The following CDH18 variants were observed in gnomAD, a reference collection of about 807,000 sequenced individuals.
CDH18 encodes cadherin 18.
CDH18 carries 31 observed loss-of-function variants against 67.9 expected under a neutral mutation model. That is an observed-to-expected ratio of 0.46 (90% CI 0.34 to 0.62). The LOEUF is 0.62. Among genes scored for constraint, CDH18 ranks in the 20% least tolerant of loss-of-function variants. The pLI, the probability that CDH18 is intolerant of heterozygous loss-of-function variation, is 0.01. For synonymous variants in CDH18, 362 were observed against 347.2 expected (o/e 1.04, Z -0.48); for missense variants, 890 against 975.5 (o/e 0.91, Z 1.17).
intron 1 of CDH18, among the ~76,000 whole-genome samples, chr5:20,344,043 C>T (rs147707566): frequency 1.1e-3 from 167 of 152,268 alleles, no homozygotes; most frequent in Non-Finnish European, 2.1e-3. Context: ...TTGGTATTCT[C>T]CTGCAGAAAT....
intron 4 of CDH18, among the ~76,000 whole-genome samples, chr5:19,738,632 T>C (rs1222289854): frequency 2.0e-5 from 3 of 152,202 alleles, no homozygotes; most frequent in African/African-American, 7.2e-5. Flanking sequence ...GTTAAGTATT[T>C]TCTCTTGCAA....
At position 20,242,601 on chromosome 5, in the gene CDH18, A is replaced by ATATATATATATAT. The variant is rs1454331020; in HGVS notation, c.-518+12842_-518+12843insATATATATATATA. Among the ~76,000 whole-genome samples, 4 of 55,818 alleles carry ATATATATATATAT rather than the reference A, an allele frequency of 7.2e-5. 1 individual carries two copies. In the East Asian group the frequency reaches 1.3e-3, roughly 18 times the overall value. The allele number at this position is 55,818 out of a possible 152,430, so 36.6% of individuals were successfully genotyped here. On this transcript the variant is annotated intron_variant, in intron 2 of 14. Transcript: ENST00000507958. ...GGTTTTGGGTTTCATTGAGGGAAAA[A>ATATATATATATAT]AAAAAAAAAAATATATATATATATA...
chr5:19,699,696 T>A (rs138685549), intron 5 of CDH18, among the ~76,000 whole-genome samples: 286 of 151,466 alleles, frequency 1.9e-3, no homozygotes, highest in African/African-American at 6.5e-3. Flanking sequence ...CTCTGCCATG[T>A]GAGGACATAG....
chr5:19,784,544 C>T (rs1229882389), intron 3 of CDH18, among the ~76,000 whole-genome samples: 1 of 152,066 alleles, frequency 6.6e-6, no homozygotes, highest in Admixed American at 6.6e-5. Context: ...TAAAACAATG[C>T]TTGAAATTTT....
intron 1 of CDH18, among the ~76,000 whole-genome samples, chr5:20,340,770 G>T (rs1349108660): frequency 6.6e-6 from 1 of 152,096 alleles, no homozygotes; most frequent in Non-Finnish European, 1.5e-5. Context: ...CCTCCAATCT[G>T]GGCCTTCCTC....
intron 3 of CDH18, among the ~76,000 whole-genome samples, chr5:19,788,674 T>C (rs1414747156): frequency 6.6e-6 from 1 of 152,226 alleles, no homozygotes; most frequent in African/African-American, 2.4e-5. Context: ...ACTCAAGTTA[T>C]AGAAGACACA....
At chr5:20,076,402 T>G (rs546051760) in intron 2 of CDH18, among the ~76,000 whole-genome samples, 5 of 152,222 alleles carry the variant, frequency 3.3e-5, no homozygotes, top group Admixed American at 3.3e-4. Context: ...CTTCATGAAT[T>G]GAGATGGCAA....
intron 1 of CDH18, among the ~76,000 whole-genome samples, chr5:20,565,030 AT>A (rs1274561866): frequency 2.6e-5 from 4 of 152,220 alleles, no homozygotes; most frequent in African/African-American, 7.2e-5. Context: ...CATTTTAAAA[AT>A]TGACATATTT....
At chr5:20,301,175 T>TTTTG (rs142962072) in intron 1 of CDH18, among the ~76,000 whole-genome samples, 6,709 of 141,780 alleles carry the variant, frequency 0.047, 224 homozygotes, top group East Asian at 0.16. Flanking sequence ...GACAGTGTTT[T>TTTTG]TTTGTTTTTT....
chr5:19,738,085 T>C (rs1456750664), intron 4 of CDH18, among the ~76,000 whole-genome samples: 2 of 152,168 alleles, frequency 1.3e-5, no homozygotes, highest in Non-Finnish European at 2.9e-5. Flanking sequence ...TGAAAATGTA[T>C]ATAATTTGGG....
chr5:20,407,300 A>G (rs891941056), intron 1 of CDH18, among the ~76,000 whole-genome samples: 5 of 152,148 alleles, frequency 3.3e-5, no homozygotes, highest in African/African-American at 9.7e-5. Context: ...TATCACAGAG[A>G]ACTAAAGAGA....
intron 7 of CDH18, among the ~76,000 whole-genome samples, chr5:19,576,918 A>G (rs1044041766): frequency 6.6e-6 from 1 of 152,186 alleles, no homozygotes; most frequent in Non-Finnish European, 1.5e-5. Context: ...CTGTTACTTA[A>G]AAAAAGATTC....
intron 2 of CDH18, among the ~76,000 whole-genome samples, chr5:20,218,777 G>A (rs556589070): frequency 2.0e-5 from 3 of 152,028 alleles, no homozygotes; most frequent in Non-Finnish European, 4.4e-5. Context: ...CCATGATTCT[G>A]AGGCCTCCCC....
chr5:19,824,768 AC>A (rs781683055), intron 3 of CDH18, among the ~76,000 whole-genome samples: 3 of 152,058 alleles, frequency 2.0e-5, no homozygotes, highest in Non-Finnish European at 4.4e-5. Flanking sequence ...CTTGGAAAAC[AC>A]CCAGATGACA....
intron 2 of CDH18, among the ~76,000 whole-genome samples, chr5:19,969,276 G>A (rs79978924): frequency 0.44 from 59,326 of 135,192 alleles, 15,088 homozygotes; most frequent in Middle Eastern, 0.63. Context: ...CATTGTGGAA[G>A]TCAGTGTGGC....
chr5:19,707,739 T>C (rs1764151984), intron 5 of CDH18, among the ~76,000 whole-genome samples: 2 of 152,192 alleles, frequency 1.3e-5, no homozygotes, highest in Non-Finnish European at 2.9e-5. Flanking sequence ...CTCCTATAAC[T>C]GAGGCATACC....
At chr5:20,069,495 C>T (rs553714796) in intron 2 of CDH18, among the ~76,000 whole-genome samples, 1 of 152,154 alleles carries the variant, frequency 6.6e-6, no homozygotes, top group East Asian at 1.9e-4. Context: ...TCACTGCAAC[C>T]TCCACCTCCC....
chr5:20,364,380 A>T (rs1037011388), intron 1 of CDH18, among the ~76,000 whole-genome samples: 1 of 152,202 alleles, frequency 6.6e-6, no homozygotes, highest in African/African-American at 2.4e-5. Context: ...TAGAATGAAG[A>T]CATTATCTCA....
intron 6 of CDH18, among the ~76,000 whole-genome samples, chr5:19,598,608 A>T (rs530891875): frequency 1.6e-4 from 24 of 152,292 alleles, no homozygotes; most frequent in Non-Finnish European, 3.1e-4. Flanking sequence ...ATAAAAAATA[A>T]GAAATGAAAA....
Sources: allele counts gnomAD v4.1 joint callset (sites outside exome capture counted in the v4.1 genomes callset), GRCh38; gene constraint gnomAD v4.1.1; transcripts MANE v1.5; gene names NCBI Gene and HGNC (gene_info 2026-07-23, HGNC 2026-07-21).